The following SPMIP7 variants were observed in gnomAD, a reference collection of about 807,000 sequenced individuals.
SPMIP7 encodes the protein protein SPMIP7.
chr7:50,150,446 A>G, the SPMIP7 span, among the ~76,000 whole-genome samples: 2 of 152,228 alleles, frequency 1.3e-5, no homozygotes, highest in Non-Finnish European at 2.9e-5. Flanking sequence ...AGGCCAGCAC[A>G]GTAAGCTGAG....
At chr7:50,152,426 G>C in the SPMIP7 span, among the ~76,000 whole-genome samples, 26 of 152,280 alleles carry the variant, frequency 1.7e-4, no homozygotes, top group Non-Finnish European at 3.2e-4. Context: ...GTGAGAAGGA[G>C]CACATGGTTA....
chr7:50,122,443 G>C, the SPMIP7 span, among the ~76,000 whole-genome samples: 3 of 148,648 alleles, frequency 2.0e-5, no homozygotes, highest in African/African-American at 7.5e-5. Flanking sequence ...TTAAACGTTA[G>C]ACCTAAAACC....
At chr7:50,129,043 A>G in the SPMIP7 span, among the ~76,000 whole-genome samples, 22 of 152,080 alleles carry the variant, frequency 1.4e-4, no homozygotes, top group African/African-American at 5.1e-4. Context: ...TACTAAAAAA[A>G]TCATCACTAG....
At chr7:50,124,230 A>G in the SPMIP7 span, among the ~76,000 whole-genome samples, 1 of 152,136 alleles carries the variant, frequency 6.6e-6, no homozygotes, top group Non-Finnish European at 1.5e-5. Flanking sequence ...CAAAGGTTCA[A>G]AATACTTGAG....
At chr7:50,110,773 A>G in the SPMIP7 span, among the ~76,000 whole-genome samples, 3 of 132,126 alleles carry the variant, frequency 2.3e-5, no homozygotes, top group African/African-American at 5.8e-5. Flanking sequence ...TATAGATTAT[A>G]ATGTATAATT....
chr7:50,098,903 A>G, the SPMIP7 span, among the ~76,000 whole-genome samples: 1 of 152,180 alleles, frequency 6.6e-6, no homozygotes, highest in African/African-American at 2.4e-5. Context: ...GTATATTCAT[A>G]CTGTGCAAAT....
At chr7:50,144,362 T>A in the SPMIP7 span, among the ~76,000 whole-genome samples, 1 of 152,244 alleles carries the variant, frequency 6.6e-6, no homozygotes, top group Non-Finnish European at 1.5e-5. Flanking sequence ...GCAACATATA[T>A]GTACAAGTGT....
the SPMIP7 span, among the ~76,000 whole-genome samples, chr7:50,102,477 T>C: frequency 6.6e-6 from 1 of 152,172 alleles, no homozygotes; most frequent in South Asian, 2.1e-4. Context: ...AGCCAGGGAC[T>C]CTGTCTGCTC....
the SPMIP7 span, among the ~76,000 whole-genome samples, chr7:50,101,547 G>A: frequency 2.6e-5 from 4 of 152,088 alleles, no homozygotes; most frequent in African/African-American, 9.7e-5. Context: ...ATACTGAAAC[G>A]GAGTGGAGGA....
At chr7:50,112,795 G>T in the SPMIP7 span, among the ~76,000 whole-genome samples, 1 of 152,168 alleles carries the variant, frequency 6.6e-6, no homozygotes, top group African/African-American at 2.4e-5. Context: ...ATTCTTGTTG[G>T]ATTGAGGAGA....
chr7:50,158,552 G>A, the SPMIP7 span, among the ~76,000 whole-genome samples: 2 of 147,478 alleles, frequency 1.4e-5, no homozygotes, highest in South Asian at 4.4e-4. Flanking sequence ...CCTCTTGGCC[G>A]CTGGGTGAGG....
At chr7:50,157,549 A>C in the SPMIP7 span, among the ~76,000 whole-genome samples, 1 of 152,252 alleles carries the variant, frequency 6.6e-6, no homozygotes, top group Non-Finnish European at 1.5e-5. Context: ...TATTTATATA[A>C]AGCAAAATAA....
At chr7:50,110,751 T>A in the SPMIP7 span, among the ~76,000 whole-genome samples, 4 of 131,888 alleles carry the variant, frequency 3.0e-5, no homozygotes, top group South Asian at 9.0e-4. Context: ...ATAAATATGT[T>A]ATGTTATATG....
chr7:50,156,266 T>G, the SPMIP7 span, among the ~76,000 whole-genome samples: 1 of 152,108 alleles, frequency 6.6e-6, no homozygotes, highest in East Asian at 1.9e-4. Flanking sequence ...TCTAAAATTT[T>G]CCAGTGAAAG....
chr7:50,158,897 C>T, the SPMIP7 span: 1 of 707,370 alleles, frequency 1.4e-6, no homozygotes. Flanking sequence ...CAGCTGAGTG[C>T]TCCCCAGCAC....
At chr7:50,104,888 CT>C in the SPMIP7 span, among the ~76,000 whole-genome samples, 1 of 152,196 alleles carries the variant, frequency 6.6e-6, no homozygotes, top group Non-Finnish European at 1.5e-5. Flanking sequence ...CTTCCCTCCC[CT>C]TGGCCTGAGA....
chr7:50,149,220 A>G, the SPMIP7 span, among the ~76,000 whole-genome samples: 1 of 152,048 alleles, frequency 6.6e-6, no homozygotes. Context: ...AGTGTGCAGC[A>G]CCATTGGGAA....
chr7:50,134,370 A>G, the SPMIP7 span: 1 of 776,740 alleles, frequency 1.3e-6, no homozygotes, highest in Non-Finnish European at 2.0e-6. Context: ...TTTATGTAAG[A>G]TAAGTAAATA....
chr7:50,096,310 G>T, the SPMIP7 span: 14 of 1,551,854 alleles, frequency 9.0e-6, no homozygotes, highest in Admixed American at 2.7e-4. Context: ...CTTCAGTTTT[G>T]CCAGACTATC....
Sources: gnomAD v4.1 joint callset for allele counts (sites outside exome capture counted in the v4.1 genomes callset) on GRCh38, gnomAD v4.1.1 for gene constraint, MANE v1.5 for transcripts, NCBI Gene and HGNC (gene_info 2026-07-23, HGNC 2026-07-21) for gene names.